ACVR1B: variants seen among roughly 807,000 people sequenced by gnomAD.
ACVR1B encodes the protein activin receptor type-1B.
A neutral mutation model predicts 55.6 loss-of-function variants in ACVR1B; 15 were observed. The observed-to-expected ratio is 0.27, with a 90% confidence interval of 0.18 to 0.42. The LOEUF is 0.42. Among genes scored for constraint, ACVR1B ranks in the 10% least tolerant of loss-of-function variants. The pLI, the probability that ACVR1B is intolerant of heterozygous loss-of-function variation, is 1.00. For missense variants in ACVR1B, 359 were observed against 670.1 expected, an observed-to-expected ratio of 0.54 and a Z score of 5.13; for synonymous variants, 247 against 254.6, an observed-to-expected ratio of 0.97 and a Z score of 0.28.
chr12:51,983,553 G>A (rs984046244), intron 4 of ACVR1B, among the ~76,000 whole-genome samples: 20 of 152,218 alleles, frequency 1.3e-4, no homozygotes, highest in Admixed American at 1.1e-3. Context: ...GGACACAGGA[G>A]GCCCTCCAAG....
chr12:51,960,975 C>CCCCCGGTCAG (rs1941511315), intron 1 of ACVR1B, among the ~76,000 whole-genome samples: 3 of 141,410 alleles, frequency 2.1e-5, no homozygotes, highest in South Asian at 2.3e-4. Flanking sequence ...TCAATTTACT[C>CCCCCGGTCAG]TGAACCCAGT....
At chr12:51,972,159 C>G (rs1394728515) in intron 1 of ACVR1B, among the ~76,000 whole-genome samples, 1 of 152,186 alleles carries the variant, frequency 6.6e-6, no homozygotes, top group Non-Finnish European at 1.5e-5. Flanking sequence ...GTAGTTCCAG[C>G]TACTCAGGAA....
intron 1 of ACVR1B, among the ~76,000 whole-genome samples, chr12:51,956,745 C>T (rs1296147361): frequency 6.6e-6 from 1 of 151,422 alleles, no homozygotes; most frequent in Non-Finnish European, 1.5e-5. Context: ...AATACATAAC[C>T]TTATTTTATG....
intron 1 of ACVR1B, among the ~76,000 whole-genome samples, chr12:51,953,136 T>C (rs756512318): frequency 1.3e-5 from 2 of 152,166 alleles, no homozygotes; most frequent in Non-Finnish European, 2.9e-5. Flanking sequence ...GTACAAAGCC[T>C]GATGCTTTGA....
chr12:51,995,836 T>C lies in ACVR1B; in HGVS notation c.*1726T>C, dbSNP rs569056861. 2 of 152,760 alleles carry C rather than the reference T, an allele frequency of 1.3e-5. No individual in the cohort carries two copies. Among genetic ancestry groups the C allele is most frequent in the South Asian group, 2.1e-4 (1 of 4,828 alleles). 9.5% of individuals were successfully genotyped at this position (152,760 alleles called of 1,614,324 possible). On this transcript the variant is annotated 3_prime_UTR_variant, in exon 9 of 9. Coordinates refer to ENST00000257963, the MANE Select transcript of ACVR1B (RefSeq NM_004302.5). The stretch of plus-strand genomic sequence containing the variant: ...TCTCGTATTTTGTCCCCACCCCCAA[T>C]TCCTTGAGTGGTTTTTGCTCTAGGG...
At chr12:51,986,614 A>G (rs1281330215) in intron 6 of ACVR1B, among the ~76,000 whole-genome samples, 1 of 152,232 alleles carries the variant, frequency 6.6e-6, no homozygotes, top group Non-Finnish European at 1.5e-5. Flanking sequence ...GTAGCCTGGT[A>G]TTGCCAAATC....
At chr12:51,957,662 C>G (rs1232276351) in intron 1 of ACVR1B, among the ~76,000 whole-genome samples, 2 of 152,110 alleles carry the variant, frequency 1.3e-5, no homozygotes, top group Admixed American at 1.3e-4. Flanking sequence ...GCCTTGGCCT[C>G]CCAAAGGGCT....
rs1021817002 is a variant in ACVR1B at position 51,995,185 on chromosome 12, G to T, written c.*1075G>T. 3 of 152,296 alleles carry T rather than the reference G, an allele frequency of 2.0e-5. No homozygotes were observed. The highest frequency in any genetic ancestry group is 7.3e-5 in the African/African-American group (3 of 41,294). 9.4% of individuals were successfully genotyped at this position (152,296 alleles called of 1,614,324 possible). The stretch of plus-strand genomic sequence containing the variant: ...CGAGGAATGTGAAGCCAGATCTCGG[G>T]ACTCAGATTGGAATGTTACATCTGT... On this transcript the variant is annotated 3_prime_UTR_variant, in exon 9 of 9. Transcript: ENST00000257963.
intron 1 of ACVR1B, among the ~76,000 whole-genome samples, chr12:51,963,513 T>C (rs1941579360): frequency 6.6e-6 from 1 of 152,190 alleles, no homozygotes; most frequent in Non-Finnish European, 1.5e-5. Context: ...GCTGGGATTA[T>C]AGGCATGAGC....
Position 51,981,298 on chromosome 12 carries a change from C to T in ACVR1B, c.811+99C>T, listed in dbSNP as rs1422617122. The T allele has an allele frequency of 8.6e-6, 9 of 1,047,170 alleles. No homozygotes were observed. In the Admixed American group the frequency reaches 1.0e-4, roughly 12 times the overall value. The allele number at this position is 1,047,170 out of a possible 1,614,324, so 64.9% of individuals were successfully genotyped here. On this transcript the variant is annotated intron_variant, in intron 4 of 8. Coordinates refer to ENST00000257963, the MANE Select transcript of ACVR1B (RefSeq NM_004302.5). ...GCTCTGTTTGCCTTCATCATTGTAA[C>T]CCGTAGAAAGAAAACTTGAGTAAGG...
intron 1 of ACVR1B, among the ~76,000 whole-genome samples, chr12:51,960,690 A>G (rs1260967245): frequency 6.6e-6 from 1 of 152,232 alleles, no homozygotes; most frequent in Non-Finnish European, 1.5e-5. Context: ...ATCCAAGTCC[A>G]AAACATGTGC....
chr12:51,952,371 C>A (rs1375818016), intron 1 of ACVR1B, among the ~76,000 whole-genome samples: 1 of 152,156 alleles, frequency 6.6e-6, no homozygotes, highest in Non-Finnish European at 1.5e-5. Context: ...AGGTCCTGCA[C>A]TTGGCGTGTT....
intron 1 of ACVR1B, among the ~76,000 whole-genome samples, chr12:51,963,073 A>G (rs564540381): frequency 7.9e-5 from 12 of 152,262 alleles, no homozygotes; most frequent in Admixed American, 2.6e-4. Context: ...ATCATATTGT[A>G]TATGTTGTTT....
At chr12:51,991,042 C>T (rs1453078924) in intron 7 of ACVR1B, among the ~76,000 whole-genome samples, 1 of 152,086 alleles carries the variant, frequency 6.6e-6, no homozygotes, top group Admixed American at 6.6e-5. Flanking sequence ...TGATATTGTC[C>T]AAAACTAAGC....
chr12:51,955,706 A>C (rs1302723379), intron 1 of ACVR1B, among the ~76,000 whole-genome samples: 1 of 152,154 alleles, frequency 6.6e-6, no homozygotes, highest in Non-Finnish European at 1.5e-5. Context: ...CTGTTGTTGT[A>C]GGAGTTGGTG....
intron 1 of ACVR1B, among the ~76,000 whole-genome samples, chr12:51,962,257 C>T (rs1941545959): frequency 6.6e-6 from 1 of 152,158 alleles, no homozygotes; most frequent in Admixed American, 6.5e-5. Context: ...TATCAAGTGT[C>T]TTATTGTTAA....
chr12:51,970,579 T>G (rs1009483431), intron 1 of ACVR1B, among the ~76,000 whole-genome samples: 1 of 152,220 alleles, frequency 6.6e-6, no homozygotes, highest in South Asian at 2.1e-4. Context: ...TGTAGAGTTA[T>G]GGTCTTTGTT....
intron 8 of ACVR1B, chr12:51,992,344 G>A (rs536212811): frequency 2.9e-3 from 1,053 of 357,892 alleles, no homozygotes; most frequent in Non-Finnish European, 3.3e-3. Context: ...ATCTCTACAA[G>A]AAATAAAAAA....
At chr12:51,955,876 C>A (rs1443139222) in intron 1 of ACVR1B, among the ~76,000 whole-genome samples, 1 of 152,354 alleles carries the variant, frequency 6.6e-6, no homozygotes, top group African/African-American at 2.4e-5. Flanking sequence ...GTCCAACTTA[C>A]ATTTCTCTCA....
Sources: gnomAD v4.1 joint callset for allele counts (sites outside exome capture counted in the v4.1 genomes callset) on GRCh38, gnomAD v4.1.1 for gene constraint, MANE v1.5 for transcripts, NCBI Gene and HGNC (gene_info 2026-07-23, HGNC 2026-07-21) for gene names.